EPB41: variants seen among roughly 807,000 people sequenced by gnomAD.
EPB41 encodes protein 4.1.
A neutral mutation model predicts 108.0 loss-of-function variants in EPB41; 65 were observed. That is an observed-to-expected ratio of 0.60 (90% CI 0.49 to 0.74). EPB41 has a LOEUF of 0.74. Among genes scored for constraint, EPB41 ranks in the 30% least tolerant of loss-of-function variants. The pLI is 0.00. For missense variants in EPB41, 875 were observed against 1,037.0 expected, an observed-to-expected ratio of 0.84 and a Z score of 2.15; for synonymous variants, 336 against 358.9, an observed-to-expected ratio of 0.94 and a Z score of 0.72.
chr1:28,979,447 A>G (rs1429465028), intron 1 of EPB41, among the ~76,000 whole-genome samples: 1 of 151,478 alleles, frequency 6.6e-6, no homozygotes, highest in Non-Finnish European at 1.5e-5. Flanking sequence ...CCCTTCACAC[A>G]TGCCCCTTCA....
intron 16 of EPB41, chr1:29,072,590 T>C (rs765958282): frequency 2.0e-5 from 3 of 152,324 alleles, no homozygotes; most frequent in Non-Finnish European, 2.9e-5. Flanking sequence ...TTTTCAGTTT[T>C]CTGAAATGCA....
intron 1 of EPB41, among the ~76,000 whole-genome samples, chr1:28,908,397 G>A (rs1423840088): frequency 2.1e-5 from 3 of 144,806 alleles, no homozygotes; most frequent in Non-Finnish European, 3.0e-5. Context: ...GCGAGACTCC[G>A]TCTCAAAAAA....
At chr1:28,985,917 T>C (rs2149499201) in intron 1 of EPB41, 1 of 151,594 alleles carries the variant, frequency 6.6e-6, no homozygotes, top group Non-Finnish European at 1.5e-5. Context: ...GCCATGCTGG[T>C]GCGCTGCACC....
chr1:29,114,995 A>G (rs1670427765), intron 19 of EPB41, among the ~76,000 whole-genome samples: 1 of 152,028 alleles, frequency 6.6e-6, no homozygotes, highest in Non-Finnish European at 1.5e-5. Context: ...TGAACTTGCC[A>G]CTTACCCATG....
At chr1:29,026,097 A>G (rs1266749329) in intron 7 of EPB41, among the ~76,000 whole-genome samples, 2 of 152,110 alleles carry the variant, frequency 1.3e-5, no homozygotes, top group Non-Finnish European at 2.9e-5. Flanking sequence ...GAGGACATCC[A>G]CGTGTGCTGA....
intron 1 of EPB41, among the ~76,000 whole-genome samples, chr1:28,894,014 C>G (rs2090412852): frequency 6.6e-6 from 1 of 152,192 alleles, no homozygotes; most frequent in South Asian, 2.1e-4. Flanking sequence ...ATTAAACACA[C>G]TGGGTGCTGA....
chr1:29,013,835 T>TTG (rs2096541569), intron 5 of EPB41, among the ~76,000 whole-genome samples: 4 of 16,872 alleles, frequency 2.4e-4, no homozygotes, highest in Admixed American at 1.9e-3. Context: ...AGCCCTTAAG[T>TTG]TTTTTTTTTT....
At chr1:28,912,996 A>T, upstream of EPB41, among the ~76,000 whole-genome samples, 1 of 151,886 alleles carries the variant, frequency 6.6e-6, no homozygotes, top group African/African-American at 2.4e-5. Flanking sequence ...GTTTTTAGGG[A>T]TGGAGTCTTG....
chr1:29,048,116 G>A (rs887870889), intron 11 of EPB41, among the ~76,000 whole-genome samples: 1 of 151,510 alleles, frequency 6.6e-6, no homozygotes, highest in Non-Finnish European at 1.5e-5. Context: ...ATATTTATGG[G>A]GTACAAAGTA....
At position 29,033,270 on chromosome 1, in the gene EPB41, C is replaced by T. The variant is rs780643217; in HGVS notation, c.1365+25C>T. The T allele has an allele frequency of 9.3e-6, 15 of 1,612,104 alleles. No homozygotes were observed. In the Middle Eastern group the frequency reaches 8.3e-4, roughly 89 times the overall value. ...GGTACAGAATTTATATTTCCTTCCT[C>T]CCAAACCAGACACAGTCTGTATCTG... On this transcript the variant is annotated intron_variant, in intron 9 of 20. Coordinates refer to ENST00000343067, the MANE Select transcript of EPB41 (RefSeq NM_001376013.1).
intron 15 of EPB41, among the ~76,000 whole-genome samples, chr1:29,064,720 G>A (rs1444028592): frequency 3.3e-5 from 5 of 152,194 alleles, no homozygotes; most frequent in African/African-American, 9.6e-5. Context: ...AAATTAAGGC[G>A]TGAGTTCTTT....
At position 29,033,149 on chromosome 1, in the gene EPB41, C is replaced by T; in HGVS notation, c.1269C>T (p.Tyr423=). The stretch of plus-strand genomic sequence containing the variant: ...TCTGCTCTAGTGGCCTTCTGGTTTA[C>T]AAAGATAAGCTGAGAATTAACCGCT... The part of the protein sequence containing the change: ...LGVCSSGLLV[Y]KDKLRINRFP... Residue 423 remains tyrosine, a synonymous_variant, in exon 9 of 21, where the codon TAC becomes TAT. Transcript: ENST00000343067. The T allele has an allele frequency of 6.2e-7, 1 of 1,613,874 alleles. No individual in the cohort carries two copies. The highest frequency in any genetic ancestry group is 2.2e-5 in the East Asian group (1 of 44,864).
upstream of EPB41, among the ~76,000 whole-genome samples, chr1:28,910,473 T>A (rs1013264666): frequency 6.6e-6 from 1 of 152,132 alleles, no homozygotes; most frequent in East Asian, 1.9e-4. Context: ...CTTCAATCTC[T>A]TGCCACCCTC....
At chr1:28,967,167 C>T (rs984219376) in intron 1 of EPB41, among the ~76,000 whole-genome samples, 3 of 151,856 alleles carry the variant, frequency 2.0e-5, no homozygotes, top group Admixed American at 6.6e-5. Flanking sequence ...TACAGGTGCC[C>T]GCCACCACAC....
chr1:28,936,149 A>G (rs776210509), intron 1 of EPB41, among the ~76,000 whole-genome samples: 2 of 151,960 alleles, frequency 1.3e-5, no homozygotes, highest in African/African-American at 2.4e-5. Flanking sequence ...AGCTTTTTGC[A>G]TTTATTAGAC....
intron 1 of EPB41, among the ~76,000 whole-genome samples, chr1:28,956,295 A>G (rs1360434476): frequency 6.6e-6 from 1 of 152,224 alleles, no homozygotes; most frequent in Non-Finnish European, 1.5e-5. Flanking sequence ...AACTGTGGCT[A>G]GGAAACTGCA....
At chr1:29,071,612 G>A (rs1200461385) in intron 16 of EPB41, 1 of 152,110 alleles carries the variant, frequency 6.6e-6, no homozygotes, top group Non-Finnish European at 1.5e-5. Context: ...ATGGCTTTGT[G>A]ACCTCAAGTT....
At chr1:29,092,653 A>G (rs1422907071) in intron 16 of EPB41, among the ~76,000 whole-genome samples, 1 of 152,116 alleles carries the variant, frequency 6.6e-6, no homozygotes, top group Non-Finnish European at 1.5e-5. Context: ...TCACCCAAGT[A>G]CTAAGCCTGG....
rs905837330 is a variant in EPB41 at position 29,069,676 on chromosome 1, CTT to C, written c.2184+4528_2184+4529del. On this transcript the variant is annotated intron_variant, in intron 16 of 20. Coordinates refer to ENST00000343067, the MANE Select transcript of EPB41 (RefSeq NM_001376013.1). ...GCCATTATATTTGTAATAAAAGTAA[CTT>C]TTTTTTTTTGTCTGAGACAGACTGT... 10 of 155,878 alleles carry C rather than the reference CTT, an allele frequency of 6.4e-5. No homozygotes were observed. In the South Asian group the frequency reaches 1.7e-3, roughly 26 times the overall value. 9.7% of individuals were successfully genotyped at this position (155,878 alleles called of 1,614,324 possible). A position where few individuals can be genotyped will look rare whatever the true frequency, so the allele number is the denominator to read the frequency against.
Sources: allele counts gnomAD v4.1 joint callset (sites outside exome capture counted in the v4.1 genomes callset), GRCh38; gene constraint gnomAD v4.1.1; transcripts MANE v1.5; gene names NCBI Gene and HGNC (gene_info 2026-07-23, HGNC 2026-07-21).